ZNF536: variants seen among roughly 807,000 people sequenced by gnomAD.
The protein encoded by ZNF536 is zinc finger protein 536.
Under a neutral mutation model 84.5 loss-of-function variants are expected in ZNF536, and 13 were observed. The observed-to-expected ratio is 0.15, with a 90% CI of 0.10 to 0.24. ZNF536 has a LOEUF of 0.24. Among genes scored for constraint, ZNF536 ranks in the 10% least tolerant of loss-of-function variants. The pLI, the probability that ZNF536 is intolerant of heterozygous loss-of-function variation, is 1.00. For synonymous variants in ZNF536, 811 were observed against 742.5 expected (o/e 1.09, Z -1.50); for missense variants, 1,536 against 1,747.5 (o/e 0.88, Z 2.16).
chr19:30,325,955 G>A (rs540824717), intron 2 of ZNF536, among the ~76,000 whole-genome samples: 2 of 152,324 alleles, frequency 1.3e-5, no homozygotes, highest in Admixed American at 6.5e-5. Flanking sequence ...ACCCGCAGAT[G>A]TGCATCACAT....
intron 2 of ZNF536, among the ~76,000 whole-genome samples, chr19:30,483,470 GACCCCACCCCACCCCACCCC>G (rs918939069): frequency 1.3e-5 from 2 of 150,968 alleles, no homozygotes; most frequent in African/African-American, 4.9e-5. Flanking sequence ...GGGGTGAACA[GACCCCACCCCACCCCACCCC>G]ACCCCACCCA....
intron 2 of ZNF536, among the ~76,000 whole-genome samples, chr19:30,453,606 GC>G (rs2052707243): frequency 6.6e-6 from 1 of 152,188 alleles, no homozygotes. Context: ...CAGCGGCTCA[GC>G]TTGCAACAAA....
At position 30,699,684 on chromosome 19, in the gene ZNF536, C is replaced by T. The variant is rs887065819; in HGVS notation, c.170-11073C>T. Among the ~76,000 whole-genome samples, 3 of 152,182 alleles carry T rather than the reference C, an allele frequency of 2.0e-5. No individual in the cohort carries two copies. In the East Asian group the frequency reaches 5.8e-4, roughly 29 times the overall value. ...AGTGATTCTTTATGTATATTTTTAC[C>T]TCTCTCATTGCCCTGCTGAGCCACT... On this transcript the variant is annotated intron_variant, in intron 1 of 1. Transcript: ENST00000592773.
At chr19:30,248,643 T>C (rs189017758) in intron 1 of ZNF536, among the ~76,000 whole-genome samples, 1 of 152,264 alleles carries the variant, frequency 6.6e-6, no homozygotes, top group Non-Finnish European at 1.5e-5. Context: ...TAACCTTTTA[T>C]CTTATGAACT....
In ZNF536 at chr19:30,435,119, GTGA is replaced by G. The variant is rs559578169; in HGVS notation, c.-2-8433_-2-8431del. On this transcript the variant is annotated intron_variant, in intron 1 of 4. Coordinates refer to ENST00000355537, the MANE Select transcript of ZNF536 (RefSeq NM_014717.3). ...TGATGGTGTGATGATGATGGTGATGGTGATGATGATGCTGATGATGATGGTGAT... is the reference window on the plus strand; with the variant it reads ...TGATGGTGTGATGATGATGGTGATGGTGATGATGCTGATGATGATGGTGAT... Among the ~76,000 whole-genome samples the G allele has an allele frequency of 2.5e-3, 370 of 150,558 alleles. 2 individuals are homozygous for G. The highest frequency in any genetic ancestry group is 4.0e-3 in the Non-Finnish European group (271 of 67,624).
At position 30,548,787 on chromosome 19, in the gene ZNF536, G is replaced by C. The variant is rs145103196; in HGVS notation, c.3168G>C (p.Ser1056=). ...CGAGTAAGATGGCCCTGCTGCCCTC[G>C]TTACAATCAAACAAAGACCTGGGCC... The part of the protein sequence containing the change: ...REASKMALLP[S]LQSNKDLGLS... Residue 1056 remains serine, a synonymous_variant, in exon 4 of 5, where the codon TCG becomes TCC. Transcript: ENST00000355537. 6.2e-7 allele frequency: 1 copy of C among 1,613,780 alleles called. No homozygotes were observed. The highest frequency in any genetic ancestry group is 8.5e-7 in the Non-Finnish European group (1 of 1,180,004).
At position 30,608,824 on chromosome 19, in the gene ZNF536, G is replaced by A. The variant is rs186795239; in HGVS notation, c.169+59310G>A. Among the ~76,000 whole-genome samples the A allele has an allele frequency of 2.0e-5, 3 of 152,328 alleles. No homozygotes were observed. In the East Asian group the frequency reaches 5.8e-4, roughly 29 times the overall value. ...GACTTTCACTCTCCCTCTGAACATT[G>A]TGACCAGCTTCCTTGGTGCCTAAGG... On this transcript the variant is annotated intron_variant, in intron 1 of 1. Coordinates refer to the ZNF536 transcript ENST00000592773.
intron 1 of ZNF536, among the ~76,000 whole-genome samples, chr19:30,586,566 A>G (rs373272935): frequency 6.6e-6 from 1 of 152,178 alleles, no homozygotes; most frequent in African/African-American, 2.4e-5. Context: ...GGTACTTGAT[A>G]TAATTTCCAC....
chr19:30,576,890 G>C (rs185212617), intron 1 of ZNF536, among the ~76,000 whole-genome samples: 1 of 152,174 alleles, frequency 6.6e-6, no homozygotes, highest in South Asian at 2.1e-4. Flanking sequence ...TCTGCAAGCC[G>C]GCACATCCCT....
intron 1 of ZNF536, among the ~76,000 whole-genome samples, chr19:30,573,879 A>T (rs1222557826): frequency 6.6e-6 from 1 of 152,164 alleles, no homozygotes; most frequent in Non-Finnish European, 1.5e-5. Flanking sequence ...CCCCTCCTGG[A>T]CACCTTCCAA....
intron 1 of ZNF536, among the ~76,000 whole-genome samples, chr19:30,608,839 G>C (rs969058850): frequency 5.9e-5 from 9 of 152,198 alleles, no homozygotes; most frequent in Non-Finnish European, 1.3e-4. Context: ...CAGCTTCCTT[G>C]GTGCCTAAGG....
At chr19:30,291,972 G>A (rs1451920529) in intron 2 of ZNF536, among the ~76,000 whole-genome samples, 1 of 152,182 alleles carries the variant, frequency 6.6e-6, no homozygotes, top group African/African-American at 2.4e-5. Context: ...ACTCCTATTT[G>A]TTTATATGTT....
At chr19:30,667,735 T>C (rs2147677266) in intron 1 of ZNF536, among the ~76,000 whole-genome samples, 1 of 150,984 alleles carries the variant, frequency 6.6e-6, no homozygotes, top group Non-Finnish European at 1.5e-5. Context: ...CAGGTTGTCT[T>C]GGATATAGAG....
At chr19:30,431,648 A>G (rs1022407025) in intron 1 of ZNF536, among the ~76,000 whole-genome samples, 5 of 152,250 alleles carry the variant, frequency 3.3e-5, no homozygotes, top group African/African-American at 1.2e-4. Context: ...TCGACACGAT[A>G]TCATAGTCCA....
intron 1 of ZNF536, among the ~76,000 whole-genome samples, chr19:30,389,128 C>A (rs2049470576): frequency 6.6e-6 from 1 of 152,208 alleles, no homozygotes; most frequent in Admixed American, 6.5e-5. Context: ...GTGTGGGACC[C>A]CCCTAGTGTG....
intron 2 of ZNF536, among the ~76,000 whole-genome samples, chr19:30,489,623 C>A (rs532168963): frequency 6.6e-6 from 1 of 151,970 alleles, no homozygotes; most frequent in Admixed American, 6.6e-5. Context: ...ATAATAAAAA[C>A]GTACAATATA....
At position 30,446,810 on chromosome 19, in the gene ZNF536, CA is replaced by C. The variant is rs1367962475; in HGVS notation, c.2170+1082del. On this transcript the variant is annotated intron_variant, in intron 2 of 4. Transcript: ENST00000355537. ...TCCTGGCCCAGTTTAAAAAAAAAACCAAAACAACAACAACAACAACAACAAC... is the reference window on the plus strand; with the variant it reads ...TCCTGGCCCAGTTTAAAAAAAAAACCAAACAACAACAACAACAACAACAAC... 5.8e-5 allele frequency among the ~76,000 whole-genome samples: 6 copies of C among 102,568 alleles called. No homozygotes were observed. The East Asian group carries it at 1.3e-3, about 23-fold the overall frequency. The allele number at this position is 102,568 out of a possible 152,430, so 67.3% of individuals were successfully genotyped here. A position where few individuals can be genotyped will look rare whatever the true frequency, so the allele number is the denominator to read the frequency against.
chr19:30,543,899 C>T (rs909485194), intron 3 of ZNF536, among the ~76,000 whole-genome samples: 9 of 152,122 alleles, frequency 5.9e-5, no homozygotes, highest in African/African-American at 2.2e-4. Flanking sequence ...GTTCACAGCT[C>T]AACCTCTGGG....
intron 1 of ZNF536, among the ~76,000 whole-genome samples, chr19:30,274,898 G>A (rs890588431): frequency 2.0e-5 from 3 of 152,208 alleles, no homozygotes; most frequent in Non-Finnish European, 4.4e-5. Context: ...GTTTGATGAT[G>A]CTATGAAGTA....
Sources: gnomAD v4.1 joint callset for allele counts (sites outside exome capture counted in the v4.1 genomes callset) on GRCh38, gnomAD v4.1.1 for gene constraint, MANE v1.5 for transcripts, NCBI Gene and HGNC (gene_info 2026-07-23, HGNC 2026-07-21) for gene names.